PLCXD3: variants seen among roughly 807,000 people sequenced by gnomAD.
PLCXD3 encodes phosphatidylinositol specific phospholipase C X domain containing 3, also known as PI-PLC X domain-containing protein 3.
A neutral mutation model predicts 25.5 loss-of-function variants in PLCXD3; 19 were observed. The ratio of observed to expected loss-of-function variants is 0.75; its 90% CI spans 0.52 to 1.09. PLCXD3 has a LOEUF of 1.09. PLCXD3 is among the 50% of genes least tolerant of loss of function. The probability of loss-of-function intolerance (pLI) is 0.00; values close to 1 mark genes in which losing one functional copy is unlikely to be tolerated. For missense variants in PLCXD3, 411 were observed against 388.1 expected (o/e 1.06, Z -0.50); for synonymous variants, 174 against 137.6 (o/e 1.26, Z -1.85).
intron 1 of PLCXD3, among the ~76,000 whole-genome samples, chr5:41,423,672 G>A (rs566056046): frequency 2.6e-4 from 40 of 152,044 alleles, no homozygotes; most frequent in African/African-American, 7.7e-4. Context: ...CTGGCCGGGC[G>A]TGGTGGATCA....
intron 1 of PLCXD3, among the ~76,000 whole-genome samples, chr5:41,446,578 C>G (rs1202437567): frequency 6.7e-6 from 1 of 148,188 alleles, no homozygotes; most frequent in African/African-American, 2.5e-5. Context: ...TTCACATTGT[C>G]TTCAAAACAA....
At chr5:41,356,254 G>A (rs961748237) in intron 2 of PLCXD3, among the ~76,000 whole-genome samples, 3 of 152,134 alleles carry the variant, frequency 2.0e-5, no homozygotes, top group Non-Finnish European at 2.9e-5. Context: ...AGACAAGAGC[G>A]AAACTCTGTC....
In PLCXD3 at chr5:41,342,584, G is replaced by A. The variant is rs560182714; in HGVS notation, c.813-28814C>T. On this transcript the variant is annotated intron_variant, in intron 2 of 2. Transcript: ENST00000377801. ...GTGCAGCTGAGTACCTTCCAAAACT[G>A]AAATAAAATGTACAGAAAGCTTTGT... is the stretch of plus-strand genomic sequence containing the variant. 9.7e-4 allele frequency among the ~76,000 whole-genome samples: 147 copies of A among 152,030 alleles called. 1 individual carries two copies. Among genetic ancestry groups the A allele is most frequent in the Non-Finnish European group, 1.8e-3 (125 of 67,996 alleles).
At chr5:41,357,735 TAAA>T (rs1744658779) in intron 2 of PLCXD3, among the ~76,000 whole-genome samples, 2 of 152,190 alleles carry the variant, frequency 1.3e-5, no homozygotes, top group African/African-American at 4.8e-5. Context: ...AGCTTAGTTC[TAAA>T]AATAATTATA....
At chr5:41,342,775 A>T (rs1230543351) in intron 2 of PLCXD3, among the ~76,000 whole-genome samples, 1 of 152,194 alleles carries the variant, frequency 6.6e-6, no homozygotes, top group Non-Finnish European at 1.5e-5. Context: ...GAGCTAATTC[A>T]TTCCAAAAGT....
At chr5:41,386,820 G>C (rs963600430) in intron 1 of PLCXD3, among the ~76,000 whole-genome samples, 10 of 151,794 alleles carry the variant, frequency 6.6e-5, no homozygotes, top group African/African-American at 2.2e-4. Flanking sequence ...TCAAACTTAA[G>C]CAGACCCTCC....
rs145708362 is a variant in PLCXD3, at chr5:41,382,612, C to T, written c.104-78G>A. 3,509 of 1,109,012 alleles carry T rather than the reference C, an allele frequency of 3.2e-3. 9 individuals are homozygous for T. Among genetic ancestry groups the T allele is most frequent in the Non-Finnish European group, 4.1e-3 (3,215 of 786,588 alleles). 68.7% of individuals were successfully genotyped at this position (1,109,012 alleles called of 1,614,324 possible). ...CACCTTCTTTCCCTCTTGCAATATC[C>T]ATACCTCTCCCTCAAATGAGCCACA... On this transcript the variant is annotated intron_variant, in intron 1 of 2. Transcript: ENST00000377801.
In PLCXD3 at chr5:41,313,718, C is replaced by T. The variant is rs142032298; in HGVS notation, c.865G>A (p.Gly289Ser). The change falls in exon 3 of 3, where the codon GGC becomes AGC. Residue 289 changes from glycine to serine, a missense_variant. Coordinates refer to ENST00000377801, the MANE Select transcript of PLCXD3 (RefSeq NM_001005473.3). ...WVRTQKPGESGINIVTADFVE... is the reference protein window; with the variant it reads ...WVRTQKPGESSINIVTADFVE... ...AAATCGGCAGTGACAATATTGATGC[C>T]ACTCTCTCCTGGCTTCTGCGTGCGG... 2.2e-5 allele frequency: 35 copies of T among 1,613,434 alleles called. No individual in the cohort carries two copies. Among genetic ancestry groups the T allele is most frequent in the Non-Finnish European group, 2.9e-5 (34 of 1,179,696 alleles).
intron 2 of PLCXD3, among the ~76,000 whole-genome samples, chr5:41,339,103 G>A (rs1317942792): frequency 4.6e-5 from 7 of 152,088 alleles, no homozygotes; most frequent in South Asian, 2.1e-4. Context: ...GGGTAGGGAG[G>A]AAGCTGCTCT....
chr5:41,323,629 G>C (rs533923666), intron 2 of PLCXD3, among the ~76,000 whole-genome samples: 3 of 152,320 alleles, frequency 2.0e-5, no homozygotes, highest in African/African-American at 7.2e-5. Context: ...TGATGGGAGA[G>C]AGCAACACTA....
intron 1 of PLCXD3, among the ~76,000 whole-genome samples, chr5:41,463,672 G>C (rs1399740426): frequency 6.6e-6 from 1 of 151,864 alleles, no homozygotes; most frequent in Non-Finnish European, 1.5e-5. Context: ...TGGGTCAGAG[G>C]CTCCACATCT....
chr5:41,363,919 G>A (rs180916360), intron 2 of PLCXD3, among the ~76,000 whole-genome samples: 1 of 152,304 alleles, frequency 6.6e-6, no homozygotes, highest in East Asian at 1.9e-4. Context: ...ATATTTCTAA[G>A]TATTTTATGC....
At chr5:41,496,909 T>C (rs73081511) in intron 1 of PLCXD3, among the ~76,000 whole-genome samples, 1,714 of 151,682 alleles carry the variant, frequency 0.011, 29 homozygotes, top group African/African-American at 0.039. Context: ...ATAGAAAATA[T>C]GAAAAATATA....
chr5:41,346,322 A>G (rs1047514448), intron 2 of PLCXD3, among the ~76,000 whole-genome samples: 2 of 152,176 alleles, frequency 1.3e-5, no homozygotes, highest in African/African-American at 4.8e-5. Flanking sequence ...GAATTGATAA[A>G]CTAGTTGTAA....
chr5:41,332,743 G>A (rs369230719), intron 2 of PLCXD3, among the ~76,000 whole-genome samples: 12,745 of 151,824 alleles, frequency 0.084, 816 homozygotes, highest in East Asian at 0.35. Flanking sequence ...GCACATATAC[G>A]CCATGGAATA....
chr5:41,485,262 T>G (rs1230855416), intron 1 of PLCXD3, among the ~76,000 whole-genome samples: 1 of 152,150 alleles, frequency 6.6e-6, no homozygotes, highest in Non-Finnish European at 1.5e-5. Context: ...GTCTTAATGG[T>G]CATTGGGCTC....
chr5:41,443,661 G>A (rs138126323), intron 1 of PLCXD3, among the ~76,000 whole-genome samples: 104 of 152,296 alleles, frequency 6.8e-4, no homozygotes, highest in Non-Finnish European at 1.1e-3. Context: ...TTGCAGGAAC[G>A]CAGAGGTGGT....
At position 41,313,297 on chromosome 5, in the gene PLCXD3, A is replaced by C. The variant is rs910598904; in HGVS notation, c.*320T>G. 1 of 265,468 alleles carries C rather than the reference A, an allele frequency of 3.8e-6. No individual in the cohort carries two copies. The highest frequency in any genetic ancestry group is 7.2e-6 in the Non-Finnish European group (1 of 137,984). The allele number at this position is 265,468 out of a possible 1,614,324, so 16.4% of individuals were successfully genotyped here. A position where few individuals can be genotyped will look rare whatever the true frequency, so the allele number is the denominator to read the frequency against. ...GACAGCGTAGGAGTCATAGGCTGGAAATAGAGAACCTAATCAAGTAAACAC... is the reference window on the plus strand; with the variant it reads ...GACAGCGTAGGAGTCATAGGCTGGACATAGAGAACCTAATCAAGTAAACAC... On this transcript the variant is annotated 3_prime_UTR_variant, in exon 3 of 3. Coordinates refer to ENST00000377801, the MANE Select transcript of PLCXD3 (RefSeq NM_001005473.3).
At chr5:41,422,721 C>T (rs1446834430) in intron 1 of PLCXD3, among the ~76,000 whole-genome samples, 1 of 152,150 alleles carries the variant, frequency 6.6e-6, no homozygotes, top group African/African-American at 2.4e-5. Context: ...TTCCTATGCT[C>T]CTTTTGTCAG....
Sources: gnomAD v4.1 joint callset for allele counts (sites outside exome capture counted in the v4.1 genomes callset) on GRCh38, gnomAD v4.1.1 for gene constraint, MANE v1.5 for transcripts, NCBI Gene and HGNC (gene_info 2026-07-23, HGNC 2026-07-21) for gene names.